MAP1A: variants seen among roughly 807,000 people sequenced by gnomAD.
MAP1A encodes microtubule-associated protein 1A.
A neutral mutation model predicts 185.9 loss-of-function variants in MAP1A; 42 were observed. That is an observed-to-expected ratio of 0.23 (90% CI 0.18 to 0.29). The LOEUF is 0.29. Among genes scored for constraint, MAP1A ranks in the 10% least tolerant of loss-of-function variants. The pLI is 1.00. For synonymous variants in MAP1A, 1,229 were observed against 1,335.9 expected, an observed-to-expected ratio of 0.92 and a Z score of 1.74; for missense variants, 2,995 against 3,450.4, an observed-to-expected ratio of 0.87 and a Z score of 3.31.
Position 43,529,485 on chromosome 15 carries a change from T to A in MAP1A, c.8012T>A (p.Val2671Asp). 1 of 1,609,062 alleles carries A rather than the reference T, an allele frequency of 6.2e-7. No individual in the cohort carries two copies. Among genetic ancestry groups the A allele is most frequent in the Non-Finnish European group, 8.5e-7 (1 of 1,176,818 alleles). Residue 2671 changes from valine (V) to aspartate (D), a missense_variant, in exon 4 of 6, where the codon GTC (valine) becomes GAC (aspartate). Around this residue, in one of 3 missense-constraint regions of MAP1A, gnomAD observed 2,728 missense variants for 2,986.0 expected, o/e 0.91. Transcript: ENST00000300231. The surrounding 1 kb of genome is among the most constrained non-coding windows in gnomAD (Gnocchi z 4.3). Reference protein sequence around the residue: ...DGHSPMSKGLVNGLKAGPMAL... With the variant: ...DGHSPMSKGLDNGLKAGPMAL... ...CACAGCCCCATGTCCAAAGGCCTAGTCAATGGACTCAAGGCAGGACCAAGT... is the reference window on the plus strand; with the variant it reads ...CACAGCCCCATGTCCAAAGGCCTAGACAATGGACTCAAGGCAGGACCAAGT...
rs370748815 is a variant in MAP1A, at chr15:43,528,967, A to G, written c.7494A>G (p.Thr2498=). The change falls in exon 4 of 6, where the codon ACA becomes ACG. Residue 2498 remains threonine (T), a synonymous_variant. Coordinates refer to ENST00000300231, the MANE Select transcript of MAP1A (RefSeq NM_002373.6). ...GCCCATGCCCTGTGACTGATGAGACACCCCCTACATCAGCCAGTGACTCAG... is the reference window on the plus strand; with the variant it reads ...GCCCATGCCCTGTGACTGATGAGACGCCCCCTACATCAGCCAGTGACTCAG... ...TGGPCPVTDE[T]PPTSASDSGS... The G allele has an allele frequency of 8.1e-6, 13 of 1,612,750 alleles. No individual in the cohort carries two copies. The African/African-American group carries it at 1.6e-4, about 20-fold the overall frequency.
At position 43,528,178 on chromosome 15, in the gene MAP1A, AC is replaced by A; in HGVS notation, c.6708del (p.Ser2237ValfsTer31). 1 of 1,613,700 alleles carries A rather than the reference AC, an allele frequency of 6.2e-7. No individual in the cohort carries two copies. Among genetic ancestry groups the A allele is most frequent in the African/African-American group, 1.3e-5 (1 of 74,890 alleles). ...LDSSLPQLPS[P>X]SSPGAPLLSN... is the part of the protein sequence containing the mutation. ...ATTCCTCACTGCCCCAGCTCCCATC[AC>A]CCAGTTCTCCTGGGGCCCCTCTCCT... is the stretch of plus-strand genomic sequence containing the variant. On this transcript the variant is annotated frameshift_variant, in exon 4 of 6. Transcript: ENST00000300231. LOFTEE classifies it high-confidence loss of function.
In MAP1A at chr15:43,529,966, T is replaced by A; in HGVS notation, c.8256+96T>A. Reference sequence around the variant, plus strand: ...CCTATTTATTAAAGGATGGGCCTTTTCTAAGGGCAGCAGAGCTGCTTCTGA... The same window carrying A: ...CCTATTTATTAAAGGATGGGCCTTTACTAAGGGCAGCAGAGCTGCTTCTGA... On this transcript the variant is annotated intron_variant, in intron 5 of 5. Coordinates refer to ENST00000300231, the MANE Select transcript of MAP1A (RefSeq NM_002373.6). The surrounding 1 kb of genome is among the most constrained non-coding windows in gnomAD (Gnocchi z 4.3). 6.4e-7 allele frequency: 1 copy of A among 1,556,878 alleles called. No individual in the cohort carries two copies. The highest frequency in any genetic ancestry group is 8.8e-7 in the Non-Finnish European group (1 of 1,134,760).
Position 43,526,847 on chromosome 15 carries a change from C to T in MAP1A, c.5374C>T (p.Pro1792Ser), listed in dbSNP as rs1303302165. Residue 1792 changes from proline to serine, a missense_variant, in exon 4 of 6, where the codon CCC becomes TCC. By Grantham distance (74) the Pro-to-Ser change is moderately conservative. Coordinates refer to ENST00000300231, the MANE Select transcript of MAP1A (RefSeq NM_002373.6). This position sits in a 1 kb window ranked among gnomAD's most constrained non-coding sequence, Gnocchi z 4.7. ...PEEEDKLTRS[P>S]FEIISPPASP... ...GGAAGAGGACAAACTGACCCGCTCT[C>T]CCTTTGAGATCATCTCCCCTCCAGC... is the stretch of plus-strand genomic sequence containing the variant. 2 of 1,614,004 alleles carry T rather than the reference C, an allele frequency of 1.2e-6. No individual in the cohort carries two copies. Among genetic ancestry groups the T allele is most frequent in the Non-Finnish European group, 1.7e-6 (2 of 1,180,022 alleles).
At chr15:43,519,863 T>A (rs1329259209) in intron 1 of MAP1A, among the ~76,000 whole-genome samples, 5 of 152,180 alleles carry the variant, frequency 3.3e-5, no homozygotes, top group African/African-American at 1.2e-4. Flanking sequence ...GAAGAAACTG[T>A]TCACAATGAA....
chr15:43,528,054 T>C lies in MAP1A; in HGVS notation c.6581T>C (p.Leu2194Pro), dbSNP rs2079353603. The C allele has an allele frequency of 6.2e-7, 1 of 1,613,858 alleles. No homozygotes were observed. Among genetic ancestry groups the C allele is most frequent in the Non-Finnish European group, 8.5e-7 (1 of 1,180,014 alleles). Residue 2194 changes from leucine to proline, a missense_variant, in exon 4 of 6, where the codon CTT becomes CCT. Leu to Pro is a moderately conservative substitution (Grantham distance 98). Transcript: ENST00000300231. ...CCCCGCTCGGCACCCTGTGGCTCCCTTGCCTTCTCTGGGGATCGAGCTCTG... is the reference window on the plus strand; with the variant it reads ...CCCCGCTCGGCACCCTGTGGCTCCCCTGCCTTCTCTGGGGATCGAGCTCTG... ...AEPRSAPCGS[L>P]AFSGDRALAL...
At position 43,523,853 on chromosome 15, in the gene MAP1A, G is replaced by T; in HGVS notation, c.2380G>T (p.Val794Phe). 1.2e-6 allele frequency: 2 copies of T among 1,614,188 alleles called. No homozygotes were observed. Among genetic ancestry groups the T allele is most frequent in the Non-Finnish European group, 1.7e-6 (2 of 1,180,026 alleles). ...FEASQPADSA[V>F]PATSGKVYGT... is the part of the protein sequence containing the mutation. ...AGCCAGCCAACCTGCCGATAGTGCTGTTCCTGCTACCTCTGGCAAAGTCTA... is the reference window on the plus strand; with the variant it reads ...AGCCAGCCAACCTGCCGATAGTGCTTTTCCTGCTACCTCTGGCAAAGTCTA... The change falls in exon 4 of 6, where the codon GTT becomes TTT. Residue 794 changes from valine (V) to phenylalanine (F), a missense_variant. Transcript: ENST00000300231.
chr15:43,528,652 G>T lies in MAP1A; in HGVS notation c.7179G>T (p.Trp2393Cys). 1 of 1,613,260 alleles carries T rather than the reference G, an allele frequency of 6.2e-7. No individual in the cohort carries two copies. Among genetic ancestry groups the T allele is most frequent in the Non-Finnish European group, 8.5e-7 (1 of 1,179,824 alleles). The change falls in exon 4 of 6, where the codon TGG (tryptophan) becomes TGT (cysteine). Residue 2393 changes from tryptophan to cysteine, a missense_variant. This residue lies in a region of MAP1A where 2,728 missense variants were observed against 2,986.0 expected (regional missense o/e 0.91). Transcript: ENST00000300231. ...GCCCTGCCTGGGAACGTGGGGCCTG[G>T]CCTGAAGGAGCTGAGAGGAGCTCCC... ...AACPAWERGA[W>C]PEGAERSSRP...
upstream of MAP1A, among the ~76,000 whole-genome samples, chr15:43,516,521 G>T (rs1239030859): frequency 6.6e-6 from 1 of 152,158 alleles, no homozygotes; most frequent in Non-Finnish European, 1.5e-5. Context: ...TGGGAAGAGG[G>T]CAGGGAAGGA....
In MAP1A at chr15:43,531,586, T is replaced by C. The variant is rs992242961; in HGVS notation, c.*1362T>C. On this transcript the variant is annotated 3_prime_UTR_variant, in exon 6 of 6. Coordinates refer to ENST00000300231, the MANE Select transcript of MAP1A (RefSeq NM_002373.6). ...CTGCTGTAACGGAGCCACCTCCAAC[T>C]CTAACAATAAACCAAGTTCATTGCA... is the stretch of plus-strand genomic sequence containing the variant. 6.5e-6 allele frequency: 1 copy of C among 152,864 alleles called. No individual in the cohort carries two copies. Among genetic ancestry groups the C allele is most frequent in the African/African-American group, 2.4e-5 (1 of 41,456 alleles). The allele number at this position is 152,864 out of a possible 1,614,324, so 9.5% of individuals were successfully genotyped here. A position where few individuals can be genotyped will look rare whatever the true frequency, so the allele number is the denominator to read the frequency against.
At chr15:43,520,610 C>T (rs1314357235) in intron 1 of MAP1A, 31 bp from the exon 2 acceptor site, 1 of 1,347,392 alleles carries the variant, frequency 7.4e-7, no homozygotes, top group African/African-American at 1.5e-5. Flanking sequence ...TATACCTATT[C>T]TCAATATAAA....
chr15:43,524,707 C>A lies in MAP1A; in HGVS notation c.3234C>A (p.Asn1078Lys). The change falls in exon 4 of 6, where the codon AAC becomes AAA. Residue 1078 changes from asparagine to lysine, a missense_variant. Transcript: ENST00000300231. ...RSPQAQEAPV[N>K]IDEGLTGCTI... ...CCCAGGCCCAGGAAGCACCTGTCAA[C>A]ATTGATGAGGGGCTTACAGGCTGTA... 1 of 1,614,100 alleles carries A rather than the reference C, an allele frequency of 6.2e-7. No individual in the cohort carries two copies. Among genetic ancestry groups the A allele is most frequent in the Non-Finnish European group, 8.5e-7 (1 of 1,179,980 alleles).
At chr15:43,513,833 G>T (rs1178813491), upstream of MAP1A, among the ~76,000 whole-genome samples, 1 of 152,192 alleles carries the variant, frequency 6.6e-6, no homozygotes, top group Non-Finnish European at 1.5e-5. Flanking sequence ...ACTCCTAGGA[G>T]CTTTGGTGAA....
rs527702485 is a variant in MAP1A at position 43,521,956 on chromosome 15, C to T, written c.483C>T (p.Leu161=). ...KAKRSIEEAC[L]TLQHLNRLGI... ...AGCGTAGCATTGAGGAGGCCTGCCT[C>T]ACTCTGCAGCACTTAAACCGCCTGG... Residue 161 remains leucine (L), a synonymous_variant, in exon 4 of 6, where the codon CTC becomes CTT. Coordinates refer to ENST00000300231, the MANE Select transcript of MAP1A (RefSeq NM_002373.6). This position sits in a 1 kb window ranked among gnomAD's most constrained non-coding sequence, Gnocchi z 4.6. The T allele has an allele frequency of 6.2e-7, 1 of 1,614,198 alleles. No homozygotes were observed. Among genetic ancestry groups the T allele is most frequent in the South Asian group, 1.1e-5 (1 of 91,092 alleles).
Position 43,526,251 on chromosome 15 carries a change from C to G in MAP1A, c.4778C>G (p.Pro1593Arg). The G allele has an allele frequency of 6.2e-7, 1 of 1,613,984 alleles. No homozygotes were observed. Residue 1593 changes from proline (P) to arginine (R), a missense_variant, in exon 4 of 6, where the codon CCA (proline) becomes CGA (arginine). Around this residue, in one of 3 missense-constraint regions of MAP1A, gnomAD observed 2,728 missense variants for 2,986.0 expected, o/e 0.91. Transcript: ENST00000300231. This position sits in a 1 kb window ranked among gnomAD's most constrained non-coding sequence, Gnocchi z 4.7. ...SLVQEDKTRKPKMLEEKSPEK... is the reference protein window; with the variant it reads ...SLVQEDKTRKRKMLEEKSPEK... ...GTGCAGGAGGATAAAACCAGGAAAC[C>G]AAAGATGCTAGAGGAAAAATCCCCA...
rs368787981 is a variant in MAP1A at position 43,526,005 on chromosome 15, C to T, written c.4532C>T (p.Pro1511Leu). 107 of 1,613,472 alleles carry T rather than the reference C, an allele frequency of 6.6e-5. No homozygotes were observed. The highest frequency in any genetic ancestry group is 8.0e-5 in the African/African-American group (6 of 74,774). The change falls in exon 4 of 6, where the codon CCG becomes CTG. Residue 1511 changes from proline (P) to leucine (L), a missense_variant. This residue lies in a region of MAP1A where 2,728 missense variants were observed against 2,986.0 expected (regional missense o/e 0.91). Transcript: ENST00000300231. This position sits in a 1 kb window ranked among gnomAD's most constrained non-coding sequence, Gnocchi z 4.7. ...GTCAGAAGTGTTGAACATAAGGCTCCGGAGGACACGGTCGCTGAAATGAAG... is the reference window on the plus strand; with the variant it reads ...GTCAGAAGTGTTGAACATAAGGCTCTGGAGGACACGGTCGCTGAAATGAAG... ...QKVRSVEHKAPEDTVAEMKDR... is the reference protein window; with the variant it reads ...QKVRSVEHKALEDTVAEMKDR...
intron 2 of MAP1A, 82 bp downstream of exon 2, chr15:43,520,805 C>G: frequency 7.4e-7 from 1 of 1,344,202 alleles, no homozygotes; most frequent in South Asian, 1.3e-5. Context: ...ACTATTAGGC[C>G]AAGAATTCCT....
At position 43,530,401 on chromosome 15, in the gene MAP1A, C is replaced by T. The variant is rs969235870; in HGVS notation, c.*177C>T. ...GGTTGTCCCTCCCCATCATCCATTC[C>T]TGTGAGGTGTCTCAAACCAAAGTTA... On this transcript the variant is annotated 3_prime_UTR_variant, in exon 6 of 6. Coordinates refer to ENST00000300231, the MANE Select transcript of MAP1A (RefSeq NM_002373.6). The T allele has an allele frequency of 4.1e-6, 3 of 734,412 alleles. No homozygotes were observed. The highest frequency in any genetic ancestry group is 6.5e-6 in the Non-Finnish European group (3 of 459,918). The allele number at this position is 734,412 out of a possible 1,614,324, so 45.5% of individuals were successfully genotyped here. A position where few individuals can be genotyped will look rare whatever the true frequency, so the allele number is the denominator to read the frequency against.
rs1253737820 is a variant in MAP1A, at chr15:43,524,229, G to T, written c.2756G>T (p.Gly919Val). Reference protein sequence around the residue: ...SPPCEDFSVTGESEKRGEIIG... With the variant: ...SPPCEDFSVTVESEKRGEIIG... The stretch of plus-strand genomic sequence containing the variant: ...CCCTGTGAGGACTTCTCTGTGACTG[G>T]GGAGTCAGAGAAGAGAGGAGAGATC... Residue 919 changes from glycine (G) to valine (V), a missense_variant, in exon 4 of 6, where the codon GGG becomes GTG. Transcript: ENST00000300231. 2 of 1,614,194 alleles carry T rather than the reference G, an allele frequency of 1.2e-6. No individual in the cohort carries two copies. The highest frequency in any genetic ancestry group is 2.2e-5 in the South Asian group (2 of 91,082).
Sources: gnomAD v4.1 joint callset for allele counts (sites outside exome capture counted in the v4.1 genomes callset) on GRCh38, gnomAD v4.1.1 for gene constraint, gnomAD v4.1.1 regional missense constraint, Gnocchi (gnomAD v3.1) non-coding constraint, MANE v1.5 for transcripts, NCBI Gene and HGNC (gene_info 2026-07-23, HGNC 2026-07-21) for gene names.